Variants in FBXW7 observed in about 807,000 individuals in gnomAD.
FBXW7 encodes F-box/WD repeat-containing protein 7.
In FBXW7, 11 loss-of-function variants were observed where a neutral mutation model predicts 86.3. The observed-to-expected ratio is 0.13, with a 90% CI of 0.08 to 0.21. The LOEUF is 0.21. FBXW7 is among the 10% of genes least tolerant of loss of function. The pLI, the probability that FBXW7 is intolerant of heterozygous loss-of-function variation, is 1.00. For synonymous variants in FBXW7, 313 were observed against 297.9 expected (o/e 1.05, Z -0.52); for missense variants, 488 against 847.4 (o/e 0.58, Z 5.27).
At chr4:152,341,768 T>C (rs1730763043) in intron 6 of FBXW7, among the ~76,000 whole-genome samples, 1 of 152,184 alleles carries the variant, frequency 6.6e-6, no homozygotes, top group African/African-American at 2.4e-5. Context: ...GACATATACA[T>C]TAACATGAAA....
At chr4:152,331,076 TATTTC>T (rs1451190512) in intron 8 of FBXW7, among the ~76,000 whole-genome samples, 1 of 152,072 alleles carries the variant, frequency 6.6e-6, no homozygotes, top group Non-Finnish European at 1.5e-5. Flanking sequence ...TTGTATTCAC[TATTTC>T]ATTTCTCAAA....
intron 4 of FBXW7, among the ~76,000 whole-genome samples, chr4:152,409,867 A>G (rs550546977): frequency 1.3e-5 from 2 of 152,272 alleles, no homozygotes; most frequent in South Asian, 2.1e-4. Flanking sequence ...CAGGACAATA[A>G]TTGTTATTCA....
intron 4 of FBXW7, among the ~76,000 whole-genome samples, chr4:152,403,792 G>C (rs1737163046): frequency 6.6e-6 from 1 of 152,198 alleles, no homozygotes; most frequent in Non-Finnish European, 1.5e-5. Flanking sequence ...GTGAGGCCCA[G>C]TTCCTAACAG....
intron 4 of FBXW7, among the ~76,000 whole-genome samples, chr4:152,361,923 A>AAC (rs1732986731): frequency 6.7e-6 from 1 of 150,046 alleles, no homozygotes; most frequent in Non-Finnish European, 1.5e-5. Flanking sequence ...CCGAGATTGC[A>AAC]ACACTGCACT....
intron 2 of FBXW7, among the ~76,000 whole-genome samples, chr4:152,489,104 T>C (rs972024352): frequency 6.6e-6 from 1 of 152,044 alleles, no homozygotes; most frequent in Non-Finnish European, 1.5e-5. Context: ...ACAGCACGTA[T>C]AGAAACACAG....
intron 4 of FBXW7, among the ~76,000 whole-genome samples, chr4:152,385,449 G>A (rs1230113396): frequency 6.6e-6 from 1 of 151,854 alleles, no homozygotes; most frequent in Non-Finnish European, 1.5e-5. Context: ...ACATTTTAAA[G>A]ATAAGAAAAT....
At chr4:152,352,812 G>A (rs2126665878) in intron 4 of FBXW7, 2 of 1,565,106 alleles carry the variant, frequency 1.3e-6, no homozygotes, top group Non-Finnish European at 1.7e-6. Flanking sequence ...ACTATGCCCT[G>A]TCAAAGCCTT....
At chr4:152,533,265 T>C (rs1750176486) in intron 2 of FBXW7, among the ~76,000 whole-genome samples, 1 of 152,146 alleles carries the variant, frequency 6.6e-6, no homozygotes. Flanking sequence ...GTAAGCAACT[T>C]TGACAGAGTG....
At position 152,332,621 on chromosome 4, in the gene FBXW7, G is replaced by A. The variant is rs2126548052; in HGVS notation, c.960C>T (p.Leu320=). 6.2e-7 allele frequency: 1 copy of A among 1,606,208 alleles called. No individual in the cohort carries two copies. Among genetic ancestry groups the A allele is most frequent in the Non-Finnish European group, 8.5e-7 (1 of 1,174,984 alleles). The change falls in exon 8 of 14, where the codon CTC becomes CTT. Residue 320 remains leucine, a synonymous_variant. Transcript: ENST00000281708. ...CCTCTTCTTTGCATTTCTCTCTCCA[G>A]AGAAGGTTGTCTTCAGCCAAAATTC... The part of the protein sequence containing the change: ...YWRILAEDNL[L]WREKCKEEGI...
chr4:152,440,125 G>C (rs1740754742), intron 2 of FBXW7, among the ~76,000 whole-genome samples: 1 of 152,278 alleles, frequency 6.6e-6, no homozygotes, highest in East Asian at 1.9e-4. Context: ...GACTGTAATA[G>C]CATAGGTAGA....
At chr4:152,462,376 G>A (rs560923380) in intron 2 of FBXW7, among the ~76,000 whole-genome samples, 1 of 152,308 alleles carries the variant, frequency 6.6e-6, no homozygotes, top group Admixed American at 6.5e-5. Context: ...ATTCTTTCAG[G>A]AGCAGATTCC....
chr4:152,501,940 T>G (rs1244438412), intron 2 of FBXW7, among the ~76,000 whole-genome samples: 1 of 152,178 alleles, frequency 6.6e-6, no homozygotes, highest in Non-Finnish European at 1.5e-5. Context: ...AATTTTTTCA[T>G]GCCTATAAGA....
At chr4:152,387,997 A>G (rs1015192791) in intron 4 of FBXW7, among the ~76,000 whole-genome samples, 1 of 152,024 alleles carries the variant, frequency 6.6e-6, no homozygotes, top group Non-Finnish European at 1.5e-5. Flanking sequence ...CGTGAGCCAC[A>G]GCGCCTGGTC....
chr4:152,382,449 T>C, intron 4 of FBXW7: 1 of 1,234,698 alleles, frequency 8.1e-7, no homozygotes, highest in Non-Finnish European at 1.0e-6. Context: ...TTTAAAAGGC[T>C]GAGAACCCAA....
intron 2 of FBXW7, among the ~76,000 whole-genome samples, chr4:152,477,784 T>C (rs1744544035): frequency 6.6e-6 from 1 of 152,142 alleles, no homozygotes; most frequent in South Asian, 2.1e-4. Flanking sequence ...TTTATTTCTA[T>C]AGGGCCAAAA....
At chr4:152,358,669 T>C (rs897838153) in intron 4 of FBXW7, among the ~76,000 whole-genome samples, 2 of 152,204 alleles carry the variant, frequency 1.3e-5, no homozygotes, top group Non-Finnish European at 2.9e-5. Context: ...GTTTTGCCAT[T>C]ACCAGAGTGT....
At chr4:152,350,325 CCCT>C (rs1311778910) in intron 4 of FBXW7, among the ~76,000 whole-genome samples, 1 of 151,298 alleles carries the variant, frequency 6.6e-6, no homozygotes, top group Non-Finnish European at 1.5e-5. Flanking sequence ...GAATTTTCCC[CCCT>C]AATATTTTAT....
At chr4:152,449,357 A>G (rs1209759378) in intron 2 of FBXW7, among the ~76,000 whole-genome samples, 1 of 152,234 alleles carries the variant, frequency 6.6e-6, no homozygotes, top group Admixed American at 6.5e-5. Flanking sequence ...ATCTTTGAGG[A>G]CTGATGGAAG....
intron 4 of FBXW7, among the ~76,000 whole-genome samples, chr4:152,377,410 C>T (rs1195664550): frequency 6.6e-6 from 1 of 151,944 alleles, no homozygotes; most frequent in Non-Finnish European, 1.5e-5. Flanking sequence ...ATCATCAATA[C>T]CATTATTATA....
Sources: allele counts gnomAD v4.1 joint callset (sites outside exome capture counted in the v4.1 genomes callset), GRCh38; gene constraint gnomAD v4.1.1; transcripts MANE v1.5; gene names NCBI Gene and HGNC (gene_info 2026-07-23, HGNC 2026-07-21).